Variants in ATRNL1 observed in about 807,000 individuals in gnomAD.
The protein encoded by ATRNL1 is attractin like 1, also known as attractin-like protein 1.
Under a neutral mutation model 182.7 loss-of-function variants are expected in ATRNL1, and 95 were observed. The observed-to-expected ratio is 0.52, with a 90% CI of 0.44 to 0.62. ATRNL1 has a LOEUF of 0.62. Among genes scored for constraint, ATRNL1 ranks in the 20% least tolerant of loss-of-function variants. The pLI, the probability that ATRNL1 is intolerant of heterozygous loss-of-function variation, is 0.00. For missense variants in ATRNL1, 1,471 were observed against 1,679.5 expected (o/e 0.88, Z 2.17); for synonymous variants, 576 against 568.3 (o/e 1.01, Z -0.19).
chr10:115,640,979 T>C (rs905763663), intron 26 of ATRNL1, among the ~76,000 whole-genome samples: 14 of 152,254 alleles, frequency 9.2e-5, no homozygotes, highest in Non-Finnish European at 1.8e-4. Flanking sequence ...CAGTTTCAGT[T>C]TTCTGCATAT....
chr10:115,591,081 C>T (rs1555012046), intron 26 of ATRNL1, among the ~76,000 whole-genome samples: 1 of 152,128 alleles, frequency 6.6e-6, no homozygotes, highest in South Asian at 2.1e-4. Flanking sequence ...TGTACTAGCA[C>T]GTACAAGATA....
Position 115,788,560 on chromosome 10 carries a change from A to G in ATRNL1, c.3904-59317A>G, listed in dbSNP as rs1030480965. On this transcript the variant is annotated intron_variant, in intron 27 of 28. Transcript: ENST00000355044. ...CTTGAAGGTCTAATTAGCCAATTGC[A>G]TATGCTTTTGTGGGGGCAAGGAGAT... Among the ~76,000 whole-genome samples, 7 of 152,202 alleles carry G rather than the reference A, an allele frequency of 4.6e-5. No homozygotes were observed. The East Asian group carries it at 9.6e-4, about 21-fold the overall frequency.
chr10:115,669,619 C>T lies in ATRNL1; in HGVS notation c.3796-57629C>T, dbSNP rs568910814. On this transcript the variant is annotated intron_variant, in intron 26 of 28. Coordinates refer to ENST00000355044, the MANE Select transcript of ATRNL1 (RefSeq NM_207303.4). ...GACATACTGCAAGTGCAGAAGCTTT[C>T]CAACAAAGCATTGCTTTGTAACAGT... Among the ~76,000 whole-genome samples, 410 of 152,212 alleles carry T rather than the reference C, an allele frequency of 2.7e-3. 1 individual carries two copies. Among genetic ancestry groups the T allele is most frequent in the African/African-American group, 9.2e-3 (381 of 41,562 alleles).
chr10:115,161,055 T>TA (rs1554883152), intron 6 of ATRNL1, among the ~76,000 whole-genome samples: 1 of 151,880 alleles, frequency 6.6e-6, no homozygotes, highest in Non-Finnish European at 1.5e-5. Context: ...TATATATATA[T>TA]TTTTTACAAA....
At chr10:115,591,536 T>C (rs1278572516) in intron 26 of ATRNL1, among the ~76,000 whole-genome samples, 1 of 152,216 alleles carries the variant, frequency 6.6e-6, no homozygotes, top group Non-Finnish European at 1.5e-5. Context: ...ATCTTTATCA[T>C]ACAAGACTTA....
intron 24 of ATRNL1, among the ~76,000 whole-genome samples, chr10:115,505,680 G>T (rs1850074409): frequency 6.6e-6 from 1 of 151,256 alleles, no homozygotes; most frequent in African/African-American, 2.4e-5. Flanking sequence ...TAACTGAGAA[G>T]AAAAAATATT....
At position 115,699,260 on chromosome 10, in the gene ATRNL1, A is replaced by G. The variant is rs79569158; in HGVS notation, c.3796-27988A>G. Among the ~76,000 whole-genome samples the G allele has an allele frequency of 6.4e-3, 971 of 152,250 alleles. 11 individuals are homozygous for G. The highest frequency in any genetic ancestry group is 0.022 in the African/African-American group (928 of 41,544). On this transcript the variant is annotated intron_variant, in intron 26 of 28. Coordinates refer to ENST00000355044, the MANE Select transcript of ATRNL1 (RefSeq NM_207303.4). ...TAGATTTAATAAAATTCCCATTGCA[A>G]CATGTTTTTATAAAACATGAAAGAT... is the stretch of plus-strand genomic sequence containing the variant.
chr10:115,139,181 C>G (rs140181923), intron 5 of ATRNL1, among the ~76,000 whole-genome samples: 1 of 152,184 alleles, frequency 6.6e-6, no homozygotes, highest in Non-Finnish European at 1.5e-5. Context: ...CAAAGTCATT[C>G]GACAAGTCTC....
chr10:115,846,200 C>T (rs1950923566), intron 27 of ATRNL1, among the ~76,000 whole-genome samples: 2 of 152,006 alleles, frequency 1.3e-5, no homozygotes, highest in Admixed American at 1.3e-4. Flanking sequence ...CCCTTTGCTT[C>T]CACCACCATC....
At chr10:115,790,179 G>T (rs1476422874) in intron 27 of ATRNL1, among the ~76,000 whole-genome samples, 1 of 150,734 alleles carries the variant, frequency 6.6e-6, no homozygotes, top group Non-Finnish European at 1.5e-5. Context: ...TGTCTCTCCA[G>T]AGCAGGACAA....
intron 28 of ATRNL1, among the ~76,000 whole-genome samples, chr10:115,897,456 A>G (rs1555112770): frequency 3.3e-5 from 5 of 152,216 alleles, no homozygotes; most frequent in African/African-American, 1.2e-4. Flanking sequence ...ATCCTAATGA[A>G]AATTGAAATA....
Position 115,724,141 on chromosome 10 carries a change from A to G in ATRNL1, c.3796-3107A>G, listed in dbSNP as rs182081776. 1.3e-3 allele frequency among the ~76,000 whole-genome samples: 201 copies of G among 152,318 alleles called. 1 individual carries two copies. The highest frequency in any genetic ancestry group is 4.6e-3 in the African/African-American group (191 of 41,574). Reference sequence around the variant, plus strand: ...AAAATGTTAAGCTTCATTTTATATAAAACACAATCCTGGAAAATCTATTAA... The same window carrying G: ...AAAATGTTAAGCTTCATTTTATATAGAACACAATCCTGGAAAATCTATTAA... On this transcript the variant is annotated intron_variant, in intron 26 of 28. Coordinates refer to ENST00000355044, the MANE Select transcript of ATRNL1 (RefSeq NM_207303.4).
intron 28 of ATRNL1, among the ~76,000 whole-genome samples, chr10:115,888,283 T>G (rs1951999159): frequency 6.6e-6 from 1 of 152,250 alleles, no homozygotes; most frequent in African/African-American, 2.4e-5. Context: ...TGATCTCAAA[T>G]TACACAACTT....
intron 27 of ATRNL1, among the ~76,000 whole-genome samples, chr10:115,754,849 C>T (rs1948544303): frequency 1.3e-5 from 2 of 152,104 alleles, no homozygotes; most frequent in Non-Finnish European, 2.9e-5. Flanking sequence ...TTTCCTTGAG[C>T]AGTGGTTTGT....
At chr10:115,894,308 A>G (rs145015021) in intron 28 of ATRNL1, among the ~76,000 whole-genome samples, 4 of 152,324 alleles carry the variant, frequency 2.6e-5, no homozygotes, top group Admixed American at 6.5e-5. Context: ...CGTCTTCCTA[A>G]TTCCTGAGCA....
intron 27 of ATRNL1, among the ~76,000 whole-genome samples, chr10:115,739,767 G>C (rs1948083790): frequency 6.6e-6 from 1 of 152,068 alleles, no homozygotes; most frequent in Non-Finnish European, 1.5e-5. Context: ...TTTATGTCTG[G>C]TAGTATGCAG....
At chr10:115,353,704 G>A (rs185301575) in intron 19 of ATRNL1, among the ~76,000 whole-genome samples, 21 of 151,624 alleles carry the variant, frequency 1.4e-4, no homozygotes, top group Non-Finnish European at 7.4e-5. Flanking sequence ...TTAATTCCTT[G>A]CTTTTTATTT....
intron 27 of ATRNL1, among the ~76,000 whole-genome samples, chr10:115,816,602 A>G (rs1213726694): frequency 1.9e-5 from 2 of 103,056 alleles, no homozygotes; most frequent in Non-Finnish European, 4.1e-5. Context: ...ACACACTTAT[A>G]AGGACACACA....
chr10:115,598,349 A>ATTTTTT (rs60415643), intron 26 of ATRNL1, among the ~76,000 whole-genome samples: 1 of 140,486 alleles, frequency 7.1e-6, no homozygotes, highest in Non-Finnish European at 1.5e-5. Flanking sequence ...TATTTAAAAA[A>ATTTTTT]ATTATTTATT....
Sources: allele counts gnomAD v4.1 joint callset (sites outside exome capture counted in the v4.1 genomes callset), GRCh38; gene constraint gnomAD v4.1.1; transcripts MANE v1.5; gene names NCBI Gene and HGNC (gene_info 2026-07-23, HGNC 2026-07-21).